CHSY3: variants seen among roughly 807,000 people sequenced by gnomAD.
The protein encoded by CHSY3 is N-acetylgalactosaminyl-proteoglycan 3-beta-glucuronosyltransferase 3.
In CHSY3, 35 loss-of-function variants were observed where a neutral mutation model predicts 67.2. The observed-to-expected ratio is 0.52, with a 90% CI of 0.40 to 0.69. CHSY3 has a LOEUF of 0.69. Among genes scored for constraint, CHSY3 ranks in the 30% least tolerant of loss-of-function variants. The probability of loss-of-function intolerance (pLI) is 0.00; values close to 1 mark genes in which losing one functional copy is unlikely to be tolerated. For synonymous variants in CHSY3, 474 were observed against 434.7 expected, an observed-to-expected ratio of 1.09 and a Z score of -1.12; for missense variants, 1,069 against 1,138.5, an observed-to-expected ratio of 0.94 and a Z score of 0.88.
At chr5:130,113,842 A>G (rs1767675195) in intron 2 of CHSY3, among the ~76,000 whole-genome samples, 1 of 152,218 alleles carries the variant, frequency 6.6e-6, no homozygotes, top group Non-Finnish European at 1.5e-5. Context: ...AAATACTGCT[A>G]CAAACCAGGC....
chr5:130,050,662 GT>G (rs1765314921), intron 2 of CHSY3, among the ~76,000 whole-genome samples: 1 of 152,088 alleles, frequency 6.6e-6, no homozygotes, highest in Non-Finnish European at 1.5e-5. Context: ...ATCACATAGA[GT>G]TGGGTTCAAG....
chr5:129,917,399 C>A (rs1581363409), intron 2 of CHSY3, among the ~76,000 whole-genome samples: 1 of 152,324 alleles, frequency 6.6e-6, no homozygotes, highest in East Asian at 1.9e-4. Context: ...TGCTTACTCA[C>A]TAGAGCTGTT....
intron 2 of CHSY3, among the ~76,000 whole-genome samples, chr5:130,016,904 G>A (rs921935480): frequency 2.6e-5 from 4 of 152,146 alleles, no homozygotes; most frequent in Non-Finnish European, 5.9e-5. Flanking sequence ...AGAGTGGGAA[G>A]GTACTGCTAG....
intron 2 of CHSY3, among the ~76,000 whole-genome samples, chr5:129,915,305 G>A (rs1436528120): frequency 3.3e-5 from 5 of 152,130 alleles, no homozygotes; most frequent in Non-Finnish European, 7.4e-5. Context: ...AGGAGTTGCA[G>A]TTCTTCACAA....
chr5:130,144,926 G>A (rs867822369), intron 2 of CHSY3, among the ~76,000 whole-genome samples: 20 of 152,080 alleles, frequency 1.3e-4, no homozygotes, highest in African/African-American at 3.9e-4. Context: ...TGGCTTCTGG[G>A]GAGGCCTCAG....
At chr5:129,957,976 T>C (rs1449792243) in intron 2 of CHSY3, among the ~76,000 whole-genome samples, 2 of 152,126 alleles carry the variant, frequency 1.3e-5, no homozygotes, top group African/African-American at 2.4e-5. Context: ...GTTTTATCTT[T>C]ACTTTCATGT....
intron 2 of CHSY3, among the ~76,000 whole-genome samples, chr5:129,936,027 G>C (rs1206011449): frequency 6.6e-6 from 1 of 152,142 alleles, no homozygotes; most frequent in East Asian, 1.9e-4. Context: ...CTGTAGTAAA[G>C]TACTGATTAA....
At chr5:130,013,001 C>A (rs1465766713) in intron 2 of CHSY3, among the ~76,000 whole-genome samples, 1 of 151,924 alleles carries the variant, frequency 6.6e-6, no homozygotes, top group Non-Finnish European at 1.5e-5. Flanking sequence ...AGGGTACAGG[C>A]ATTGGGTAAA....
chr5:130,037,011 A>G, intron 2 of CHSY3, among the ~76,000 whole-genome samples: 1 of 152,162 alleles, frequency 6.6e-6, no homozygotes, highest in Non-Finnish European at 1.5e-5. Flanking sequence ...AGATCCTCCA[A>G]GAACATATGG....
chr5:130,076,429 A>G (rs757758298), intron 2 of CHSY3, among the ~76,000 whole-genome samples: 18 of 150,762 alleles, frequency 1.2e-4, no homozygotes, highest in Admixed American at 2.7e-4. Flanking sequence ...TAATTAGTTT[A>G]TAAGGCCATA....
At chr5:129,910,009 C>G (rs1306684862) in intron 2 of CHSY3, among the ~76,000 whole-genome samples, 1 of 151,958 alleles carries the variant, frequency 6.6e-6, no homozygotes, top group Non-Finnish European at 1.5e-5. Flanking sequence ...GCCTAGTCTT[C>G]ACCTAGCATT....
intron 2 of CHSY3, among the ~76,000 whole-genome samples, chr5:130,119,542 G>T (rs1017647618): frequency 6.6e-6 from 1 of 152,074 alleles, no homozygotes; most frequent in African/African-American, 2.4e-5. Flanking sequence ...ACTGGCAGCA[G>T]CACCTGGTCT....
intron 2 of CHSY3, among the ~76,000 whole-genome samples, chr5:130,028,794 A>G (rs1477773195): frequency 1.3e-5 from 2 of 151,274 alleles, no homozygotes; most frequent in East Asian, 1.9e-4. Flanking sequence ...TCATTTCTCT[A>G]TCTTTTTTCT....
At chr5:130,074,134 G>A (rs1207261379) in intron 2 of CHSY3, among the ~76,000 whole-genome samples, 1 of 151,992 alleles carries the variant, frequency 6.6e-6, no homozygotes, top group Non-Finnish European at 1.5e-5. Flanking sequence ...GCAGTAGCAC[G>A]AACTCAGCTC....
chr5:130,068,336 T>C (rs1271454833), intron 2 of CHSY3, among the ~76,000 whole-genome samples: 2 of 152,262 alleles, frequency 1.3e-5, no homozygotes, highest in East Asian at 3.9e-4. Context: ...ATCCCTCTGC[T>C]GCATTGAATT....
chr5:130,099,541 C>T (rs774854818), intron 2 of CHSY3, among the ~76,000 whole-genome samples: 1 of 152,134 alleles, frequency 6.6e-6, no homozygotes, highest in Admixed American at 6.5e-5. Context: ...TATGTCTGTA[C>T]GCGAATGTGT....
chr5:129,915,619 T>C (rs1760707546), intron 2 of CHSY3, among the ~76,000 whole-genome samples: 1 of 152,206 alleles, frequency 6.6e-6, no homozygotes, highest in Non-Finnish European at 1.5e-5. Flanking sequence ...TATCTGAACA[T>C]GTCATTATCT....
At chr5:129,921,851 C>T (rs1760935326) in intron 2 of CHSY3, among the ~76,000 whole-genome samples, 1 of 152,064 alleles carries the variant, frequency 6.6e-6, no homozygotes, top group African/African-American at 2.4e-5. Flanking sequence ...AGGAACATCC[C>T]AATGTCACTG....
At chr5:130,156,682 C>T (rs1769383339) in intron 2 of CHSY3, among the ~76,000 whole-genome samples, 1 of 152,142 alleles carries the variant, frequency 6.6e-6, no homozygotes. Context: ...GATGGTTTTG[C>T]TTAAGCAGCA....
Sources: gnomAD v4.1 joint callset for allele counts (sites outside exome capture counted in the v4.1 genomes callset) on GRCh38, gnomAD v4.1.1 for gene constraint, MANE v1.5 for transcripts, NCBI Gene and HGNC (gene_info 2026-07-23, HGNC 2026-07-21) for gene names.